MBTPS1: variants seen among roughly 807,000 people sequenced by gnomAD.
MBTPS1 encodes membrane-bound transcription factor site-1 protease.
In MBTPS1, 94 loss-of-function variants were observed where a neutral mutation model predicts 127.8. The observed-to-expected ratio is 0.74, with a 90% CI of 0.62 to 0.87. The LOEUF is 0.87. MBTPS1 is among the 40% of genes least tolerant of loss of function. The pLI is 0.00. For synonymous variants in MBTPS1, 632 were observed against 509.4 expected (o/e 1.24, Z -3.24); for missense variants, 1,636 against 1,353.2 (o/e 1.21, Z -3.28).
intron 9 of MBTPS1, among the ~76,000 whole-genome samples, chr16:84,086,929 G>T (rs16962761): frequency 0.24 from 35,901 of 151,988 alleles, 4,961 homozygotes; most frequent in East Asian, 0.38. Flanking sequence ...TAGCAGAGTT[G>T]ATATTAAGCT....
intron 10 of MBTPS1, among the ~76,000 whole-genome samples, chr16:84,084,127 C>G (rs1321302177): frequency 1.3e-5 from 2 of 152,144 alleles, no homozygotes; most frequent in Non-Finnish European, 2.9e-5. Context: ...ACCTGGCTAA[C>G]TTGTAATTTT....
intron 19 of MBTPS1, chr16:84,061,134 A>G (rs562530687): frequency 1.3e-4 from 22 of 169,140 alleles, no homozygotes; most frequent in African/African-American, 4.7e-4. Context: ...TTAGCTTTTA[A>G]GAAGAAATCT....
At chr16:84,097,849 T>TGTGC (rs2086197998) in intron 3 of MBTPS1, among the ~76,000 whole-genome samples, 1 of 151,224 alleles carries the variant, frequency 6.6e-6, no homozygotes, top group Non-Finnish European at 1.5e-5. Context: ...TGTGTGTGTG[T>TGTGC]GTGTGTGTGT....
intron 9 of MBTPS1, among the ~76,000 whole-genome samples, chr16:84,085,772 A>G (rs970802787): frequency 1.8e-4 from 28 of 152,154 alleles, no homozygotes; most frequent in Non-Finnish European, 1.2e-4. Flanking sequence ...CTGGCTTATC[A>G]CCAAGACCAG....
intron 10 of MBTPS1, among the ~76,000 whole-genome samples, chr16:84,083,445 T>A (rs1291478723): frequency 6.6e-6 from 1 of 151,336 alleles, no homozygotes. Flanking sequence ...AGGAAAGAGA[T>A]GGATATCTAC....
At chr16:84,061,516 G>C (rs545112204) in intron 19 of MBTPS1, 2 of 152,578 alleles carry the variant, frequency 1.3e-5, no homozygotes, top group South Asian at 4.1e-4. Context: ...AGGGAGAGGA[G>C]AACGGAGGGC....
At chr16:84,091,698 T>C (rs777213001) in intron 7 of MBTPS1, 34 bp downstream of exon 7, 3 of 1,457,080 alleles carry the variant, frequency 2.1e-6, no homozygotes, top group Non-Finnish European at 2.9e-6. Context: ...GCAGGAGCTG[T>C]CACCCAAACC....
chr16:84,090,243 C>A lies in MBTPS1; in HGVS notation c.1031+632G>T, dbSNP rs553751222. Among the ~76,000 whole-genome samples the A allele has an allele frequency of 2.3e-4, 35 of 152,314 alleles. 1 individual carries two copies. The South Asian group carries it at 7.2e-3, about 32-fold the overall frequency. On this transcript the variant is annotated intron_variant, in intron 8 of 22. Transcript: ENST00000343411. ...GCTGCTGGTGGAAAGAAAACTGAGA[C>A]CTCTAACCAGACAGGAGCGTACTGG... is the stretch of plus-strand genomic sequence containing the variant.
At chr16:84,087,019 T>G (rs1440493440) in intron 9 of MBTPS1, among the ~76,000 whole-genome samples, 1 of 152,172 alleles carries the variant, frequency 6.6e-6, no homozygotes, top group Non-Finnish European at 1.5e-5. Context: ...GGAGGACTGC[T>G]TACCACTACT....
intron 11 of MBTPS1, among the ~76,000 whole-genome samples, chr16:84,076,125 G>T (rs990318900): frequency 8.5e-5 from 13 of 152,048 alleles, no homozygotes; most frequent in African/African-American, 2.9e-4. Flanking sequence ...GTTCAATATT[G>T]GGAAACTCAT....
intron 22 of MBTPS1, among the ~76,000 whole-genome samples, chr16:84,055,235 C>A (rs2151137523): frequency 6.6e-6 from 1 of 152,338 alleles, no homozygotes. Context: ...CACCCCGTGA[C>A]CTATGCGCAA....
chr16:84,112,450 G>C (rs1263613609), intron 1 of MBTPS1, among the ~76,000 whole-genome samples: 1 of 151,756 alleles, frequency 6.6e-6, no homozygotes, highest in Admixed American at 6.6e-5. Flanking sequence ...ATGAGGTCAG[G>C]AGATCGAGAC....
At chr16:84,094,215 C>T (rs2086149607) in intron 4 of MBTPS1, among the ~76,000 whole-genome samples, 1 of 152,058 alleles carries the variant, frequency 6.6e-6, no homozygotes, top group African/African-American at 2.4e-5. Context: ...CCCACCTTCT[C>T]GGAGGCCCTG....
At position 84,095,797 on chromosome 16, in the gene MBTPS1, T is replaced by C. The variant is rs1567498083; in HGVS notation, c.430A>G (p.Thr144Ala). 1.2e-6 allele frequency: 2 copies of C among 1,613,432 alleles called. No individual in the cohort carries two copies. The highest frequency in any genetic ancestry group is 2.7e-5 in the African/African-American group (2 of 74,980). ...RSLKYAESDP[T>A]VPCNETRWSQ... ...CACCGGGTTTCATTGCAGGGTACTGTGGGGTCAGCTACAGGCAAGGGAGAG... is the reference window on the plus strand; with the variant it reads ...CACCGGGTTTCATTGCAGGGTACTGCGGGGTCAGCTACAGGCAAGGGAGAG... Residue 144 changes from threonine to alanine, a missense_variant, in exon 4 of 23, where the codon ACA becomes GCA. By Grantham distance (58) the Thr-to-Ala change is moderately conservative. Transcript: ENST00000343411.
Position 84,091,733 on chromosome 16 carries a change from T to G in MBTPS1, c.962A>C (p.Lys321Thr), listed in dbSNP as rs372020761. 2 of 1,611,052 alleles carry G rather than the reference T, an allele frequency of 1.2e-6. No individual in the cohort carries two copies. The highest frequency in any genetic ancestry group is 1.7e-6 in the Non-Finnish European group (2 of 1,177,340). Residue 321 changes from lysine to threonine, a missense_variant and splice_region_variant, in exon 7 of 23, where the codon AAG becomes ACG. Transcript: ENST00000343411. Reference sequence around the variant, plus strand: ...CCCGTGTGCAGTGACTCCACAAACCTTGTCAACAAACGGATGATCCATGAA... The same window carrying G: ...CCCGTGTGCAGTGACTCCACAAACCGTGTCAACAAACGGATGATCCATGAA... ...PDFMDHPFVD[K>T]VWELTANNVI...
At chr16:84,070,489 C>T in intron 13 of MBTPS1, 99 bp downstream of exon 13, 2 of 1,221,544 alleles carry the variant, frequency 1.6e-6, no homozygotes, top group Non-Finnish European at 1.2e-6. Flanking sequence ...TATCTGTCAA[C>T]TGTACTTCCA....
chr16:84,096,313 G>C (rs780179091), intron 3 of MBTPS1, among the ~76,000 whole-genome samples: 1 of 152,194 alleles, frequency 6.6e-6, no homozygotes, highest in Non-Finnish European at 1.5e-5. Context: ...TTATCTGCTA[G>C]AATTTCACCT....
intron 12 of MBTPS1, 21 bp downstream of exon 12, chr16:84,074,576 C>T (rs371853282): frequency 2.5e-5 from 41 of 1,610,000 alleles, no homozygotes; most frequent in Non-Finnish European, 3.1e-5. Flanking sequence ...AGTCAGAGAC[C>T]AAGTCAGAGA....
At chr16:84,055,861 A>G (rs2085513741) in intron 22 of MBTPS1, 144 bp downstream of exon 22, 7 of 843,656 alleles carry the variant, frequency 8.3e-6, no homozygotes, top group South Asian at 7.7e-5. Flanking sequence ...TTGTGCCACA[A>G]AAGAAGCCAA....
Sources: gnomAD v4.1 joint callset for allele counts (sites outside exome capture counted in the v4.1 genomes callset) on GRCh38, gnomAD v4.1.1 for gene constraint, MANE v1.5 for transcripts, NCBI Gene and HGNC (gene_info 2026-07-23, HGNC 2026-07-21) for gene names.